The following CADM2 variants were observed in gnomAD, a reference collection of about 807,000 sequenced individuals.
The protein encoded by CADM2 is cell adhesion molecule 2.
In CADM2, 12 loss-of-function variants were observed where a neutral mutation model predicts 49.8. The ratio of observed to expected loss-of-function variants is 0.24; its 90% confidence interval spans 0.15 to 0.39. The LOEUF (loss-of-function observed/expected upper bound fraction) is 0.39. Among genes scored for constraint, CADM2 ranks in the 10% least tolerant of loss-of-function variants. The pLI, the probability that CADM2 is intolerant of heterozygous loss-of-function variation, is 1.00. For missense variants in CADM2, 378 were observed against 492.3 expected (o/e 0.77, Z 2.20); for synonymous variants, 214 against 175.4 (o/e 1.22, Z -1.74).
intron 1 of CADM2, among the ~76,000 whole-genome samples, chr3:85,142,257 C>T (rs2039599318): frequency 1.3e-5 from 2 of 152,224 alleles, no homozygotes; most frequent in East Asian, 1.9e-4. Flanking sequence ...CTCTCTTGCA[C>T]TGTGGTCTTA....
intron 1 of CADM2, among the ~76,000 whole-genome samples, chr3:85,577,139 G>T (rs767452365): frequency 6.6e-6 from 1 of 152,032 alleles, no homozygotes; most frequent in Non-Finnish European, 1.5e-5. Flanking sequence ...TCTTACAAAG[G>T]GTTTTCCAGT....
chr3:85,224,718 G>A (rs1471891944), intron 1 of CADM2, among the ~76,000 whole-genome samples: 1 of 152,062 alleles, frequency 6.6e-6, no homozygotes. Flanking sequence ...TTTCTTCTAG[G>A]GTTTTTATGA....
chr3:85,266,158 T>C (rs573410489), intron 1 of CADM2, among the ~76,000 whole-genome samples: 1 of 152,006 alleles, frequency 6.6e-6, no homozygotes, highest in African/African-American at 2.4e-5. Context: ...CTTCTAACAA[T>C]AGGAAATGGA....
intron 1 of CADM2, among the ~76,000 whole-genome samples, chr3:85,071,722 G>A (rs1369762731): frequency 6.6e-6 from 1 of 151,882 alleles, no homozygotes; most frequent in Non-Finnish European, 1.5e-5. Context: ...AATTTGTAAA[G>A]GTAAATAAGA....
intron 1 of CADM2, among the ~76,000 whole-genome samples, chr3:85,211,364 GTTCT>G (rs1259493535): frequency 6.6e-6 from 1 of 151,630 alleles, no homozygotes; most frequent in Admixed American, 6.6e-5. Context: ...TGCTTTTTGG[GTTCT>G]TTAAGATGTA....
chr3:85,128,393 AT>A (rs925381826), intron 1 of CADM2, among the ~76,000 whole-genome samples: 7 of 152,172 alleles, frequency 4.6e-5, no homozygotes, highest in Non-Finnish European at 8.8e-5. Flanking sequence ...GTTGTATTTA[AT>A]TTTTTGTTTG....
At chr3:85,891,581 A>C (rs1195646677) in intron 5 of CADM2, among the ~76,000 whole-genome samples, 1 of 152,202 alleles carries the variant, frequency 6.6e-6, no homozygotes, top group Admixed American at 6.5e-5. Flanking sequence ...GATGGGCCTC[A>C]TACAATGAGA....
intron 2 of CADM2, among the ~76,000 whole-genome samples, chr3:85,729,520 G>C (rs959712480): frequency 6.6e-6 from 1 of 152,190 alleles, no homozygotes; most frequent in African/African-American, 2.4e-5. Context: ...AGTCAAGGAG[G>C]TAAGACAAAG....
intron 1 of CADM2, among the ~76,000 whole-genome samples, chr3:85,157,939 C>T (rs1360362157): frequency 1.3e-5 from 2 of 152,076 alleles, no homozygotes; most frequent in African/African-American, 4.8e-5. Context: ...GCAACCTACT[C>T]ATCTGACAAA....
At chr3:85,475,691 AT>A in intron 1 of CADM2, among the ~76,000 whole-genome samples, 1 of 152,068 alleles carries the variant, frequency 6.6e-6, no homozygotes, top group African/African-American at 2.4e-5. Flanking sequence ...GTTTATAAAT[AT>A]TTTGAAACAA....
chr3:85,371,677 G>GTGTGTATA (rs1251505613), intron 1 of CADM2, among the ~76,000 whole-genome samples: 2,465 of 94,918 alleles, frequency 0.026, 72 homozygotes, highest in Non-Finnish European at 0.03. Context: ...GTGTGTGTGT[G>GTGTGTATA]TATATATATA....
rs73147162 is a variant in CADM2 at position 85,885,072 on chromosome 3, G to A, written c.392-1118G>A. On this transcript the variant is annotated intron_variant, in intron 4 of 9. Coordinates refer to ENST00000383699, the MANE Select transcript of CADM2 (RefSeq NM_001167675.2). Reference sequence around the variant, plus strand: ...TTAAGCTTTAAGAACTATGAAATCAGGAAAGAAAGAAGCTAAAGTTAAATT... The same window carrying A: ...TTAAGCTTTAAGAACTATGAAATCAAGAAAGAAAGAAGCTAAAGTTAAATT... Among the ~76,000 whole-genome samples, 1,457 of 151,818 alleles carry A rather than the reference G, an allele frequency of 9.6e-3. 14 individuals are homozygous for A. Among genetic ancestry groups the A allele is most frequent in the Middle Eastern group, 0.044 (13 of 294 alleles).
intron 6 of CADM2, among the ~76,000 whole-genome samples, chr3:85,921,886 A>G (rs1359401639): frequency 6.6e-6 from 1 of 151,926 alleles, no homozygotes; most frequent in East Asian, 1.9e-4. Flanking sequence ...ATTATTGACT[A>G]TAGTTTTGTG....
At chr3:85,161,342 T>C (rs897816958) in intron 1 of CADM2, among the ~76,000 whole-genome samples, 3 of 152,138 alleles carry the variant, frequency 2.0e-5, no homozygotes, top group African/African-American at 4.8e-5. Context: ...GTAGAATCTA[T>C]GAGGAGGTCA....
chr3:86,043,872 A>G (rs997803449), intron 8 of CADM2, among the ~76,000 whole-genome samples: 1 of 152,162 alleles, frequency 6.6e-6, no homozygotes, highest in East Asian at 1.9e-4. Flanking sequence ...GATATAGACC[A>G]ATGGAACAGA....
At chr3:85,383,706 A>C (rs1487660790) in intron 1 of CADM2, among the ~76,000 whole-genome samples, 1 of 150,850 alleles carries the variant, frequency 6.6e-6, no homozygotes, top group Non-Finnish European at 1.5e-5. Flanking sequence ...CATTATTTAT[A>C]CAATATATTT....
intron 7 of CADM2, among the ~76,000 whole-genome samples, chr3:85,948,455 T>A (rs578040835): frequency 6.6e-6 from 1 of 151,578 alleles, no homozygotes; most frequent in East Asian, 1.9e-4. Context: ...CTATCATTTC[T>A]GCATAAATAT....
At position 85,868,166 on chromosome 3, in the gene CADM2, G is replaced by A. The variant is rs74945295; in HGVS notation, c.239-15125G>A. On this transcript the variant is annotated intron_variant, in intron 3 of 9. Transcript: ENST00000383699. ...AAAGAGTCCCAAATTTCATCAATCC[G>A]TTAGATACATTTTCTATTTTATTAT... Among the ~76,000 whole-genome samples, 590 of 151,862 alleles carry A rather than the reference G, an allele frequency of 3.9e-3. 9 individuals carry two copies. In the East Asian group the frequency reaches 0.042, roughly 11 times the overall value.
chr3:85,031,250 C>G (rs1328147159), intron 1 of CADM2, among the ~76,000 whole-genome samples: 4 of 152,190 alleles, frequency 2.6e-5, no homozygotes, highest in Non-Finnish European at 5.9e-5. Context: ...TTTAACTCAA[C>G]AGGCAGTCAA....
Sources: allele counts gnomAD v4.1 joint callset (sites outside exome capture counted in the v4.1 genomes callset), GRCh38; gene constraint gnomAD v4.1.1; transcripts MANE v1.5; gene names NCBI Gene and HGNC (gene_info 2026-07-23, HGNC 2026-07-21).